The following ACSS1 variants were observed in gnomAD, a reference collection of about 807,000 sequenced individuals.
ACSS1 encodes the protein acetyl-coenzyme A synthetase 2-like, mitochondrial.
A neutral mutation model predicts 75.3 loss-of-function variants in ACSS1; 42 were observed. The observed-to-expected ratio is 0.56, with a 90% CI of 0.44 to 0.72. ACSS1 has a LOEUF of 0.72. Among genes scored for constraint, ACSS1 ranks in the 30% least tolerant of loss-of-function variants. The pLI is 0.00. For missense variants in ACSS1, 782 were observed against 935.7 expected, an observed-to-expected ratio of 0.84 and a Z score of 2.14; for synonymous variants, 380 against 376.8, an observed-to-expected ratio of 1.01 and a Z score of -0.10.
At chr20:25,054,426 C>T (rs2089215854) in intron 1 of ACSS1, among the ~76,000 whole-genome samples, 1 of 152,236 alleles carries the variant, frequency 6.6e-6, no homozygotes, top group South Asian at 2.1e-4. Context: ...GCCTTACAAG[C>T]ATTTCCTCAT....
chr20:25,054,217 A>G (rs1055564666), intron 1 of ACSS1, among the ~76,000 whole-genome samples: 3 of 152,224 alleles, frequency 2.0e-5, no homozygotes. Flanking sequence ...AGCCACCTGC[A>G]TGCTCTCCGA....
Position 25,020,130 on chromosome 20 carries a change from C to T in ACSS1, c.1126G>A (p.Val376Ile). The change falls in exon 7 of 14, where the codon GTA becomes ATA. Residue 376 changes from valine to isoleucine, a missense_variant. Physicochemically the swap from Val to Ile is conservative, Grantham distance 29. Transcript: ENST00000323482. ...AACTGATTGATCTTCAACCTCTCTACTGTCTCCCAGTACCGACCTACAGAA... is the reference window on the plus strand; with the variant it reads ...AACTGATTGATCTTCAACCTCTCTATTGTCTCCCAGTACCGACCTACAGAA... ...YPNAGRYWET[V>I]ERLKINQFYG... The T allele has an allele frequency of 6.2e-7, 1 of 1,614,242 alleles. No individual in the cohort carries two copies. The highest frequency in any genetic ancestry group is 8.5e-7 in the Non-Finnish European group (1 of 1,180,026).
chr20:25,037,000 GAAAGA>G (rs2088921596), intron 2 of ACSS1, among the ~76,000 whole-genome samples: 1 of 76,958 alleles, frequency 1.3e-5, no homozygotes, highest in East Asian at 5.0e-4. Context: ...AAAGAAAGAA[GAAAGA>G]AAGGAAGGAA....
chr20:25,045,112 A>G (rs1233525755), intron 2 of ACSS1, among the ~76,000 whole-genome samples: 12 of 152,248 alleles, frequency 7.9e-5, no homozygotes, highest in Admixed American at 7.8e-4. Context: ...TATCACGGCT[A>G]TTCTTACTTG....
chr20:25,028,015 A>G (rs919234878), intron 3 of ACSS1, among the ~76,000 whole-genome samples: 1 of 152,186 alleles, frequency 6.6e-6, no homozygotes, highest in Non-Finnish European at 1.5e-5. Context: ...AAACAATTCC[A>G]TTTATAAAAA....
chr20:25,015,242 C>A lies in ACSS1; in HGVS notation c.1247-12G>T, dbSNP rs781629572. ...GATGGGCTCTCCCACTGAAACCACA[C>A]AGAAAGAAAAAGATGTTAACAGGCT... On this transcript the variant is annotated splice_polypyrimidine_tract_variant and intron_variant, in intron 7 of 13. Transcript: ENST00000323482. The A allele has an allele frequency of 1.4e-5, 22 of 1,593,106 alleles. No homozygotes were observed. Among genetic ancestry groups the A allele is most frequent in the Non-Finnish European group, 1.9e-5 (22 of 1,167,800 alleles).
intron 1 of ACSS1, 38 bp from the exon 2 acceptor site, chr20:25,048,219 G>T: frequency 1.3e-6 from 2 of 1,591,036 alleles, no homozygotes; most frequent in Non-Finnish European, 1.7e-6. Flanking sequence ...TACACTTGGT[G>T]CTTTTTGAGT....
chr20:25,020,633 T>A (rs914827760), intron 6 of ACSS1, among the ~76,000 whole-genome samples: 51 of 152,322 alleles, frequency 3.3e-4, no homozygotes, highest in African/African-American at 1.1e-3. Context: ...CCCCTCCACA[T>A]GGAACACTGA....
chr20:25,044,406 A>G (rs953895808), intron 2 of ACSS1, among the ~76,000 whole-genome samples: 1 of 152,096 alleles, frequency 6.6e-6, no homozygotes, highest in African/African-American at 2.4e-5. Context: ...GTGGGCAGTC[A>G]CTCCAACCCA....
rs74431504 is a variant in ACSS1, at chr20:25,014,471, C to T, written c.1340-398G>A. ...AATCCTACCCTCACATTATTTCCAG[C>T]CTGTACCAGGGAAATGCCCCAGTGA... On this transcript the variant is annotated intron_variant, in intron 8 of 13. Coordinates refer to ENST00000323482, the MANE Select transcript of ACSS1 (RefSeq NM_032501.4). Among the ~76,000 whole-genome samples the T allele has an allele frequency of 7.3e-3, 1,115 of 152,342 alleles. 14 individuals are homozygous for T. Among genetic ancestry groups the T allele is most frequent in the African/African-American group, 0.026 (1,077 of 41,568 alleles).
At chr20:25,017,444 C>T (rs991832255) in intron 7 of ACSS1, among the ~76,000 whole-genome samples, 2 of 152,202 alleles carry the variant, frequency 1.3e-5, no homozygotes, top group East Asian at 1.9e-4. Context: ...AGCACTGCTC[C>T]GAGGTGCTGG....
In ACSS1 at chr20:25,058,002, G is replaced by C. The variant is rs2089269670; in HGVS notation, c.101C>G (p.Pro34Arg). 2 of 1,494,628 alleles carry C rather than the reference G, an allele frequency of 1.3e-6. No individual in the cohort carries two copies. The highest frequency in any genetic ancestry group is 2.8e-5 in the East Asian group (1 of 35,696). The allele number at this position is 1,494,628 out of a possible 1,614,324, so 92.6% of individuals were successfully genotyped here. Residue 34 changes from proline (P) to arginine (R), a missense_variant, in exon 1 of 14, where the codon CCG (proline) becomes CGG (arginine). Coordinates refer to ENST00000323482, the MANE Select transcript of ACSS1 (RefSeq NM_032501.4). ...PARPPCGVSA[P>R]RRAASGPSGS... ...CGAGGGTCCCGAGGCCGCCCTGCGC[G>C]GCGCGCTCACCCCGCACGGCGGCCG...
Position 25,021,377 on chromosome 20 carries a change from C to T in ACSS1, c.1108+12G>A, listed in dbSNP as rs2088621806. The T allele has an allele frequency of 6.2e-7, 1 of 1,612,930 alleles. No individual in the cohort carries two copies. Among genetic ancestry groups the T allele is most frequent in the Non-Finnish European group, 8.5e-7 (1 of 1,179,354 alleles). ...CCAGCATGGGGTCCCAAACAGGGTTCACCATCCTTACCAGCATTGGGATAA... is the reference window on the plus strand; with the variant it reads ...CCAGCATGGGGTCCCAAACAGGGTTTACCATCCTTACCAGCATTGGGATAA... On this transcript the variant is annotated intron_variant, in intron 6 of 13. Transcript: ENST00000323482.
intron 2 of ACSS1, chr20:25,032,656 A>G (rs2122694576): frequency 2.5e-6 from 3 of 1,219,412 alleles, no homozygotes; most frequent in South Asian, 8.4e-5. Flanking sequence ...GGCCGCTCGC[A>G]GCGTGTTTGC....
intron 12 of ACSS1, chr20:25,010,946 A>G (rs1280349612): frequency 6.6e-6 from 1 of 152,128 alleles, no homozygotes; most frequent in Non-Finnish European, 1.5e-5. Context: ...GTGGGGACAA[A>G]TATACGATAT....
At chr20:25,056,185 G>A (rs1383259727) in intron 1 of ACSS1, among the ~76,000 whole-genome samples, 1 of 152,200 alleles carries the variant, frequency 6.6e-6, no homozygotes. Flanking sequence ...TCTTATCTGA[G>A]TGGGGCTGCA....
In ACSS1 at chr20:25,021,541, A is replaced by T; in HGVS notation, c.961-5T>A. ...TGGCTGGTGGTCAAACACAAGCTGCAGAGACAGGAAAGGAGCATCAGGAGC... is the reference window on the plus strand; with the variant it reads ...TGGCTGGTGGTCAAACACAAGCTGCTGAGACAGGAAAGGAGCATCAGGAGC... On this transcript the variant is annotated splice_polypyrimidine_tract_variant and splice_region_variant and intron_variant, in intron 5 of 13. Coordinates refer to ENST00000323482, the MANE Select transcript of ACSS1 (RefSeq NM_032501.4). 6.2e-7 allele frequency: 1 copy of T among 1,613,358 alleles called. No homozygotes were observed. The highest frequency in any genetic ancestry group is 1.1e-5 in the South Asian group (1 of 90,978).
intron 1 of ACSS1, among the ~76,000 whole-genome samples, chr20:25,051,494 G>A (rs1428776803): frequency 1.3e-5 from 2 of 152,162 alleles, no homozygotes; most frequent in East Asian, 1.9e-4. Context: ...ACCTTGAGTG[G>A]CATCAGAAGT....
intron 12 of ACSS1, chr20:25,011,425 A>G (rs998089408): frequency 6.6e-6 from 1 of 152,250 alleles, no homozygotes; most frequent in African/African-American, 2.4e-5. Flanking sequence ...GGGGCTTTCA[A>G]ATCCCAGGAC....
Sources: gnomAD v4.1 joint callset for allele counts (sites outside exome capture counted in the v4.1 genomes callset) on GRCh38, gnomAD v4.1.1 for gene constraint, MANE v1.5 for transcripts, NCBI Gene and HGNC (gene_info 2026-07-23, HGNC 2026-07-21) for gene names.